Variants in ARHGAP22 observed in about 807,000 individuals in gnomAD.
ARHGAP22 encodes the protein Rho GTPase activating protein 22.
A neutral mutation model predicts 59.1 loss-of-function variants in ARHGAP22; 48 were observed. That is an observed-to-expected ratio of 0.81 (90% CI 0.64 to 1.03). The LOEUF is 1.03. Among genes scored for constraint, ARHGAP22 ranks in the 50% least tolerant of loss-of-function variants. The probability of loss-of-function intolerance (pLI) is 0.00; values close to 1 mark genes in which losing one functional copy is unlikely to be tolerated. For synonymous variants in ARHGAP22, 445 were observed against 416.4 expected (o/e 1.07, Z -0.84); for missense variants, 1,015 against 958.7 (o/e 1.06, Z -0.78).
chr10:48,645,078 T>A (rs1453758749), intron 1 of ARHGAP22, among the ~76,000 whole-genome samples: 1 of 152,024 alleles, frequency 6.6e-6, no homozygotes, highest in African/African-American at 2.4e-5. Flanking sequence ...GGACATAATA[T>A]CAACTCAACT....
intron 1 of ARHGAP22, among the ~76,000 whole-genome samples, chr10:48,587,167 C>T (rs1028737039): frequency 1.3e-5 from 2 of 152,286 alleles, no homozygotes; most frequent in East Asian, 1.9e-4. Context: ...TCAGAAGGGG[C>T]CTTTCTGCTC....
At chr10:48,454,216 T>G in intron 6 of ARHGAP22, 55 bp from the exon 7 acceptor site, 1 of 1,486,596 alleles carries the variant, frequency 6.7e-7, no homozygotes, top group South Asian at 1.1e-5. Context: ...CTGACTGTTC[T>G]CTGACTGCGA....
intron 4 of ARHGAP22, among the ~76,000 whole-genome samples, chr10:48,468,404 G>A (rs2047918141): frequency 6.6e-6 from 1 of 152,212 alleles, no homozygotes. Context: ...CCACAGTGGA[G>A]GCGGTGGGGG....
Position 48,479,464 on chromosome 10 carries a change from G to A in ARHGAP22, c.451+172C>T, listed in dbSNP as rs181448550. On this transcript the variant is annotated intron_variant, in intron 4 of 9. Transcript: ENST00000249601. ...AGGAGGAAGTGAGTACACGGCAGCC[G>A]TTGGGTGACTCCCGAGGGCTGGCAG... is the stretch of plus-strand genomic sequence containing the variant. The A allele has an allele frequency of 9.0e-5, 109 of 1,208,858 alleles. 1 individual carries two copies. The African/African-American group carries it at 1.2e-3, about 13-fold the overall frequency. 74.9% of individuals were successfully genotyped at this position (1,208,858 alleles called of 1,614,324 possible).
At chr10:48,613,000 G>T (rs575093228) in intron 1 of ARHGAP22, among the ~76,000 whole-genome samples, 15 of 152,316 alleles carry the variant, frequency 9.8e-5, no homozygotes, top group Non-Finnish European at 1.6e-4. Flanking sequence ...TCACCAGAAG[G>T]TGCTGCTGGA....
chr10:48,560,227 A>G (rs766871085), intron 2 of ARHGAP22, among the ~76,000 whole-genome samples: 3 of 152,178 alleles, frequency 2.0e-5, no homozygotes, highest in Non-Finnish European at 2.9e-5. Flanking sequence ...GTCAATTTCT[A>G]TTAACAGAAA....
At chr10:48,571,050 C>T (rs2058364093) in intron 2 of ARHGAP22, among the ~76,000 whole-genome samples, 1 of 152,166 alleles carries the variant, frequency 6.6e-6, no homozygotes, top group South Asian at 2.1e-4. Flanking sequence ...TTCTTCCATT[C>T]CTCTTTGCCT....
At chr10:48,651,099 C>T (rs2062542079) in intron 1 of ARHGAP22, among the ~76,000 whole-genome samples, 1 of 152,178 alleles carries the variant, frequency 6.6e-6, no homozygotes, top group Admixed American at 6.5e-5. Context: ...CATCACATCA[C>T]CTGGGACTTT....
upstream of ARHGAP22, among the ~76,000 whole-genome samples, chr10:48,655,007 T>TTCCTCTCC (rs1565069519): frequency 9.4e-5 from 8 of 84,894 alleles, no homozygotes; most frequent in African/African-American, 3.1e-4. Flanking sequence ...TCTCTTTCTT[T>TTCCTCTCC]CTCTTTCTTT....
chr10:48,450,256 G>C lies in ARHGAP22; in HGVS notation c.1868+5C>G. 1 of 1,608,184 alleles carries C rather than the reference G, an allele frequency of 6.2e-7. No individual in the cohort carries two copies. The highest frequency in any genetic ancestry group is 1.7e-4 in the Middle Eastern group (1 of 6,034). ...CACAGGAGGCTCCACGGGGCAGCAA[G>C]TTACCTTTTCACACTCCTCTCGTAC... is the stretch of plus-strand genomic sequence containing the variant. On this transcript the variant is annotated splice_donor_5th_base_variant and intron_variant, in intron 9 of 9. Transcript: ENST00000249601.
At chr10:48,578,194 C>T (rs978690567) in intron 2 of ARHGAP22, among the ~76,000 whole-genome samples, 5 of 152,086 alleles carry the variant, frequency 3.3e-5, no homozygotes, top group South Asian at 2.1e-4. Context: ...ATATCTAGTC[C>T]TGCCAAGCCC....
chr10:48,629,627 T>G (rs2061563558), intron 1 of ARHGAP22, among the ~76,000 whole-genome samples: 1 of 152,216 alleles, frequency 6.6e-6, no homozygotes, highest in South Asian at 2.1e-4. Flanking sequence ...TATTTTAGAG[T>G]AAGTCTTGAA....
At chr10:48,504,847 T>C (rs1447212709) in intron 3 of ARHGAP22, among the ~76,000 whole-genome samples, 1 of 151,784 alleles carries the variant, frequency 6.6e-6, no homozygotes, top group African/African-American at 2.4e-5. Flanking sequence ...CAGCAGAACT[T>C]GCTCATAAGT....
chr10:48,565,526 G>A lies in ARHGAP22; in HGVS notation c.235-9976C>T, dbSNP rs2057995861. Among the ~76,000 whole-genome samples the A allele has an allele frequency of 3.3e-5, 5 of 152,216 alleles. No homozygotes were observed. The South Asian group carries it at 1.0e-3, about 32-fold the overall frequency. On this transcript the variant is annotated intron_variant, in intron 2 of 9. Coordinates refer to ENST00000249601, the MANE Select transcript of ARHGAP22 (RefSeq NM_021226.4). Reference sequence around the variant, plus strand: ...TTGCTGTGATCATGCATTATTATAGGGCCAAGGAGTAGACTCTGTGCATGA... The same window carrying A: ...TTGCTGTGATCATGCATTATTATAGAGCCAAGGAGTAGACTCTGTGCATGA...
At chr10:48,462,611 C>G (rs2047256299) in intron 4 of ARHGAP22, among the ~76,000 whole-genome samples, 2 of 152,210 alleles carry the variant, frequency 1.3e-5, no homozygotes, top group African/African-American at 4.8e-5. Context: ...GAGGCATCCC[C>G]CAATCCAGCA....
At chr10:48,532,850 G>A (rs1232694898) in intron 3 of ARHGAP22, 3 of 152,170 alleles carry the variant, frequency 2.0e-5, no homozygotes, top group South Asian at 4.1e-4. Context: ...GTATTCCATG[G>A]TGTATATGTT....
chr10:48,653,973 T>C (rs73304207), upstream of ARHGAP22, among the ~76,000 whole-genome samples: 2,217 of 152,362 alleles, frequency 0.015, 60 homozygotes, highest in African/African-American at 0.05. Flanking sequence ...CAGATTTAAC[T>C]GGGTATCCTG....
intron 3 of ARHGAP22, among the ~76,000 whole-genome samples, chr10:48,494,991 C>T (rs777063584): frequency 2.6e-5 from 4 of 152,236 alleles, no homozygotes; most frequent in Non-Finnish European, 2.9e-5. Context: ...TGAGAGCCTT[C>T]GTCAAGGAGC....
upstream of ARHGAP22, among the ~76,000 whole-genome samples, chr10:48,655,256 T>TGGGGGGGGGGG (rs1230624457): frequency 1.0e-4 from 1 of 9,888 alleles, no homozygotes; most frequent in African/African-American, 3.1e-4. Context: ...TGTGTGTGTG[T>TGGGGGGGGGGG]GGGGGGGGGG....
Sources: allele counts gnomAD v4.1 joint callset (sites outside exome capture counted in the v4.1 genomes callset), GRCh38; gene constraint gnomAD v4.1.1; transcripts MANE v1.5; gene names NCBI Gene and HGNC (gene_info 2026-07-23, HGNC 2026-07-21).